The following ARHGEF3 variants were observed in gnomAD, a reference collection of about 807,000 sequenced individuals.
ARHGEF3 encodes the protein 59.8 kDA protein.
Under a neutral mutation model 63.2 loss-of-function variants are expected in ARHGEF3, and 28 were observed. That is an observed-to-expected ratio of 0.44 (90% CI 0.33 to 0.61). The LOEUF (loss-of-function observed/expected upper bound fraction) is 0.61. Ranked by LOEUF, ARHGEF3 falls within the 20% of genes least tolerant of loss-of-function variation. ARHGEF3 has a pLI of 0.03. For synonymous variants in ARHGEF3, 266 were observed against 254.2 expected (o/e 1.05, Z -0.44); for missense variants, 533 against 659.3 (o/e 0.81, Z 2.10).
At chr3:56,821,607 C>T (rs1030359939) in intron 4 of ARHGEF3, among the ~76,000 whole-genome samples, 15 of 152,090 alleles carry the variant, frequency 9.9e-5, no homozygotes, top group African/African-American at 3.6e-4. Flanking sequence ...GATGTCAATA[C>T]CTACCAAGAG....
At chr3:57,048,715 A>G (rs17057654) in intron 1 of ARHGEF3, among the ~76,000 whole-genome samples, 3,522 of 152,228 alleles carry the variant, frequency 0.023, 144 homozygotes, top group African/African-American at 0.079. Context: ...TTAGAATTTC[A>G]GCTATCATAA....
chr3:56,733,210 G>A (rs1300584614), intron 8 of ARHGEF3, among the ~76,000 whole-genome samples: 1 of 151,470 alleles, frequency 6.6e-6, no homozygotes, highest in East Asian at 1.9e-4. Context: ...ATGAACCCAG[G>A]AAGTGGAGCT....
chr3:56,937,130 T>C (rs149166126), intron 3 of ARHGEF3, among the ~76,000 whole-genome samples: 24 of 152,284 alleles, frequency 1.6e-4, no homozygotes, highest in Middle Eastern at 3.4e-3. Flanking sequence ...TGGTCCTTGA[T>C]TGGATAAAAA....
At chr3:56,841,069 C>A (rs1214126730) in intron 4 of ARHGEF3, among the ~76,000 whole-genome samples, 5 of 152,192 alleles carry the variant, frequency 3.3e-5, no homozygotes, top group Non-Finnish European at 5.9e-5. Context: ...CGGAAAACCC[C>A]TTCTCTTTGC....
chr3:57,034,563 C>T (rs1000318570), intron 2 of ARHGEF3, among the ~76,000 whole-genome samples: 2 of 151,902 alleles, frequency 1.3e-5, no homozygotes, highest in Admixed American at 6.6e-5. Flanking sequence ...TACTGAATGG[C>T]ATTCCTCCTC....
intron 1 of ARHGEF3, among the ~76,000 whole-genome samples, chr3:56,793,424 T>C (rs9850934): frequency 0.68 from 103,528 of 151,872 alleles, 36,804 homozygotes; most frequent in East Asian, 0.93. Context: ...TCGCCTCGGC[T>C]GCCCAAAGTG....
chr3:56,869,543 A>G (rs575692722), intron 4 of ARHGEF3, among the ~76,000 whole-genome samples: 1 of 152,234 alleles, frequency 6.6e-6, no homozygotes, highest in East Asian at 1.9e-4. Context: ...AATTCTATGC[A>G]TGGTAAGATC....
intron 2 of ARHGEF3, among the ~76,000 whole-genome samples, chr3:56,971,295 ACC>A (rs1203962751): frequency 6.6e-6 from 1 of 152,038 alleles, no homozygotes; most frequent in African/African-American, 2.4e-5. Flanking sequence ...CCCGGCAGGG[ACC>A]CCGAAGCAAG....
At chr3:56,915,582 C>G (rs2041966976) in intron 3 of ARHGEF3, among the ~76,000 whole-genome samples, 1 of 152,000 alleles carries the variant, frequency 6.6e-6, no homozygotes. Flanking sequence ...CTTCAGAGCT[C>G]CTAACCATTC....
At chr3:56,850,042 ACCACCC>A (rs2039623392) in intron 4 of ARHGEF3, among the ~76,000 whole-genome samples, 1 of 151,668 alleles carries the variant, frequency 6.6e-6, no homozygotes, top group African/African-American at 2.4e-5. Context: ...CCCCGCACCC[ACCACCC>A]CCTCACCAGT....
intron 4 of ARHGEF3, among the ~76,000 whole-genome samples, chr3:56,834,533 G>A (rs894163845): frequency 5.9e-5 from 9 of 152,142 alleles, no homozygotes; most frequent in Middle Eastern, 3.2e-3. Context: ...GGGAGGCCGA[G>A]GTGGGTGGAT....
intron 3 of ARHGEF3, among the ~76,000 whole-genome samples, chr3:56,942,921 C>T (rs1035938856): frequency 6.6e-6 from 1 of 152,222 alleles, no homozygotes; most frequent in Non-Finnish European, 1.5e-5. Context: ...TAACTCTCTT[C>T]AATTCTATGA....
chr3:57,022,097 C>A (rs763396365), intron 2 of ARHGEF3, among the ~76,000 whole-genome samples: 3 of 152,076 alleles, frequency 2.0e-5, no homozygotes, highest in Admixed American at 6.5e-5. Context: ...CCAATGAGAC[C>A]TTGTTTCTAC....
chr3:56,753,656 A>G, intron 3 of ARHGEF3, 90 bp from the exon 4 acceptor site: 1 of 1,086,492 alleles, frequency 9.2e-7, no homozygotes. Flanking sequence ...TCAAAACCCC[A>G]AATTTACATA....
rs371364042 is a variant in ARHGEF3, at chr3:57,060,955, ACT to A, written c.-28+18269_-28+18270del. Among the ~76,000 whole-genome samples, 870 of 151,970 alleles carry A rather than the reference ACT, an allele frequency of 5.7e-3. 10 individuals are homozygous for A. Among genetic ancestry groups the A allele is most frequent in the African/African-American group, 0.02 (819 of 41,428 alleles). On this transcript the variant is annotated intron_variant, in intron 1 of 12. Transcript: ENST00000338458. ...TCCAGGAGAGTCCAACTCCTCTTAT[ACT>A]CTTTTTTATTGTGGTAAAATATAAT... is the stretch of plus-strand genomic sequence containing the variant.
chr3:56,731,514 G>C (rs1218441353), intron 9 of ARHGEF3: 2 of 151,266 alleles, frequency 1.3e-5, no homozygotes, highest in East Asian at 3.9e-4. Flanking sequence ...CTGGGTAACA[G>C]AGGAAGACTC....
intron 3 of ARHGEF3, among the ~76,000 whole-genome samples, chr3:56,904,219 G>A (rs550303711): frequency 2.4e-4 from 36 of 151,966 alleles, no homozygotes; most frequent in Admixed American, 8.5e-4. Context: ...CTTTGGTAGA[G>A]ATGAGATTTG....
chr3:56,919,881 A>T (rs771863191), intron 3 of ARHGEF3, among the ~76,000 whole-genome samples: 21 of 152,178 alleles, frequency 1.4e-4, no homozygotes, highest in Non-Finnish European at 2.6e-4. Flanking sequence ...GTTGGTCAGG[A>T]GTGGGGCCTA....
intron 1 of ARHGEF3, chr3:57,035,308 C>T (rs1049830980): frequency 4.2e-6 from 2 of 479,348 alleles, no homozygotes; most frequent in African/African-American, 4.0e-5. Context: ...CCAATATTTC[C>T]TTCTTCCATA....
Sources: allele counts gnomAD v4.1 joint callset (sites outside exome capture counted in the v4.1 genomes callset), GRCh38; gene constraint gnomAD v4.1.1; transcripts MANE v1.5; gene names NCBI Gene and HGNC (gene_info 2026-07-23, HGNC 2026-07-21).